The following PLP1 variants were observed in gnomAD, a reference collection of about 807,000 sequenced individuals.
PLP1 encodes the protein myelin proteolipid protein.
In PLP1, 2 loss-of-function variants were observed where a neutral mutation model predicts 18.5. That is an observed-to-expected ratio of 0.11 (90% confidence interval 0.04 to 0.34). The LOEUF (loss-of-function observed/expected upper bound fraction) is 0.34, where lower values mean the gene tolerates loss of function less well. PLP1 is among the 10% of genes least tolerant of loss of function. The probability of loss-of-function intolerance (pLI) is 1.00; values close to 1 mark genes in which losing one functional copy is unlikely to be tolerated. For synonymous variants in PLP1, 86 were observed against 83.2 expected (o/e 1.03, Z -0.19); for missense variants, 105 against 207.3 (o/e 0.51, Z 3.03).
At position 103,789,343 on chromosome X, in the gene PLP1, C is replaced by A. The variant is rs2074525185; in HGVS notation, c.707C>A (p.Thr236Asn). The A allele has an allele frequency of 1.7e-6, 2 of 1,207,078 alleles. No homozygotes were observed. The highest frequency in any genetic ancestry group is 4.3e-5 in the Admixed American group (2 of 46,069). The change falls in exon 6 of 7, where the codon ACC (threonine) becomes AAC (asparagine). Residue 236 changes from threonine to asparagine, a missense_variant. Coordinates refer to ENST00000621218, the MANE Select transcript of PLP1 (RefSeq NM_000533.5). ...TTCATTTTCCTGCAGTTCCAAATGA[C>A]CTTCCACCTGTTTATTGCTGCATTT... ...SICKTAEFQM[T>N]FHLFIAAFVG...
chrX:103,779,990 G>A (rs2074439157), intron 1 of PLP1: 1 of 112,839 alleles, frequency 8.9e-6, no homozygotes, highest in African/African-American at 3.2e-5. Flanking sequence ...CAGCAGCCAT[G>A]GTAGGTGAAT....
At position 103,791,401 on chromosome X, in the gene PLP1, C is replaced by G. The variant is rs967150849; in HGVS notation, c.*803C>G. ...TGACAACCCTGTGGTTTCCAAGGAG[C>G]TGAGAATAGAAGGAAACTAGCTTAC... is the stretch of plus-strand genomic sequence containing the variant. On this transcript the variant is annotated 3_prime_UTR_variant, in exon 7 of 7. Coordinates refer to ENST00000621218, the MANE Select transcript of PLP1 (RefSeq NM_000533.5). The G allele has an allele frequency of 8.9e-6, 1 of 112,450 alleles. No individual in the cohort carries two copies. The highest frequency in any genetic ancestry group is 3.2e-5 in the African/African-American group (1 of 30,834). 9.3% of individuals were successfully genotyped at this position (112,450 alleles called of 1,213,427 possible). A position where few individuals can be genotyped will look rare whatever the true frequency, so the allele number is the denominator to read the frequency against.
upstream of PLP1, chrX:103,776,624 C>T: frequency 4.5e-6 from 1 of 221,095 alleles, no homozygotes. Flanking sequence ...TTCCAGATGT[C>T]TCTGCAGCAA....
chrX:103,788,395 C>A, intron 4 of PLP1, 42 bp from the exon 5 acceptor site: 1 of 1,009,015 alleles, frequency 9.9e-7, no homozygotes, highest in Non-Finnish European at 1.4e-6. Flanking sequence ...GGCCCCGTAA[C>A]TCCATAAAGC....
intron 1 of PLP1, among the ~76,000 whole-genome samples, chrX:103,777,811 G>T (rs1039682036): frequency 8.9e-6 from 1 of 112,345 alleles, no homozygotes; most frequent in Admixed American, 9.4e-5. Context: ...AGAGCACAAG[G>T]GTCTTTGTCC....
In PLP1 at chrX:103,790,660, G is replaced by A; in HGVS notation, c.*62G>A. 1.2e-6 allele frequency: 1 copy of A among 840,644 alleles called. No homozygotes were observed. Among genetic ancestry groups the A allele is most frequent in the Non-Finnish European group, 1.8e-6 (1 of 556,709 alleles). The allele number at this position is 840,644 out of a possible 1,213,427, so 69.3% of individuals were successfully genotyped here. On this transcript the variant is annotated 3_prime_UTR_variant, in exon 7 of 7. Coordinates refer to ENST00000621218, the MANE Select transcript of PLP1 (RefSeq NM_000533.5). ...CTCTAACCACACAGCCTACAATGCTGCGTCTCCCATCTTAACTCTTTGCCT... is the reference window on the plus strand; with the variant it reads ...CTCTAACCACACAGCCTACAATGCTACGTCTCCCATCTTAACTCTTTGCCT...
At position 103,790,199 on chromosome X, in the gene PLP1, C is replaced by T. The variant is rs149766354; in HGVS notation, c.763-328C>T. Among the ~76,000 whole-genome samples, 499 of 112,271 alleles carry T rather than the reference C, an allele frequency of 4.4e-3. 4 individuals are homozygous for T. Among genetic ancestry groups the T allele is most frequent in the Non-Finnish European group, 7.9e-3 (420 of 53,239 alleles). On this transcript the variant is annotated intron_variant, in intron 6 of 6. Transcript: ENST00000621218. Reference sequence around the variant, plus strand: ...AAGCACCCTATGACTCTAAGTCACTCGGACATATTGATGTGGCAAAGCCCA... The same window carrying T: ...AAGCACCCTATGACTCTAAGTCACTTGGACATATTGATGTGGCAAAGCCCA...
chrX:103,780,122 A>G (rs1297105296), intron 1 of PLP1: 1 of 113,076 alleles, frequency 8.8e-6, no homozygotes, highest in Non-Finnish European at 1.9e-5. Context: ...CCTGAGGGCT[A>G]TCTCTCAGCT....
At chrX:103,789,153 G>T (rs1015589220) in intron 5 of PLP1, 180 bp from the exon 6 acceptor site, 4 of 495,644 alleles carry the variant, frequency 8.1e-6, no homozygotes, top group South Asian at 2.7e-5. Context: ...TGGGCCAGGT[G>T]CTATGGTGTA....
intron 6 of PLP1, 138 bp downstream of exon 6, chrX:103,789,536 G>C: frequency 3.6e-6 from 2 of 549,790 alleles, no homozygotes; most frequent in Non-Finnish European, 6.5e-6. Flanking sequence ...AGCAAAGGGT[G>C]GAGGCTCCGT....
chrX:103,777,212 GGA>G (rs1224307608), intron 1 of PLP1, among the ~76,000 whole-genome samples: 1 of 111,784 alleles, frequency 8.9e-6, no homozygotes, highest in Non-Finnish European at 1.9e-5. Flanking sequence ...AGCAGCACGT[GGA>G]GAGTCCCACA....
chrX:103,790,444 C>G (rs1831200556), intron 6 of PLP1, 83 bp from the exon 7 acceptor site: 1 of 691,274 alleles, frequency 1.4e-6, no homozygotes, highest in Non-Finnish European at 2.4e-6. Context: ...TTTATTTCTA[C>G]CCTTCCTCAT....
intron 1 of PLP1, among the ~76,000 whole-genome samples, chrX:103,778,863 C>T (rs1272763150): frequency 8.9e-6 from 1 of 112,364 alleles, no homozygotes; most frequent in African/African-American, 3.2e-5. Context: ...TTGCAGTAAA[C>T]ACATTGTATC....
chrX:103,779,771 T>C (rs779377752), intron 1 of PLP1: 1 of 112,114 alleles, frequency 8.9e-6, no homozygotes, highest in East Asian at 2.8e-4. Context: ...AGGGGAAATA[T>C]AGTCTCCAAA....
At chrX:103,788,127 G>C (rs888378208) in intron 4 of PLP1, among the ~76,000 whole-genome samples, 161 bp downstream of exon 4, 2 of 112,089 alleles carry the variant, frequency 1.8e-5, no homozygotes, top group African/African-American at 6.5e-5. Context: ...AAACCAGAGA[G>C]GTTTCTTCCC....
At chrX:103,782,191 A>T (rs1401065125) in intron 1 of PLP1, among the ~76,000 whole-genome samples, 1 of 112,455 alleles carries the variant, frequency 8.9e-6, no homozygotes, top group Admixed American at 9.4e-5. Flanking sequence ...CAAACATTTC[A>T]TCTAGGTTGT....
intron 1 of PLP1, among the ~76,000 whole-genome samples, chrX:103,782,749 C>T (rs749532126): frequency 1.1e-4 from 12 of 109,760 alleles, no homozygotes; most frequent in Admixed American, 2.9e-4. Flanking sequence ...TTCTTACCCT[C>T]GGCTAAACAA....
rs1391989749 is a variant in PLP1, at chrX:103,785,668, C to T, written c.91C>T (p.Leu31=). The part of the protein sequence containing the change: ...ATGLCFFGVA[L]FCGCGHEALT... ...TGGATTGTGTTTCTTTGGGGTGGCA[C>T]TGTTCTGTGGCTGTGGACATGAAGC... Residue 31 remains leucine, a synonymous_variant, in exon 2 of 7, where the codon CTG becomes TTG. Transcript: ENST00000621218. 8.3e-7 allele frequency: 1 copy of T among 1,210,125 alleles called. No individual in the cohort carries two copies. The highest frequency in any genetic ancestry group is 1.8e-5 in the South Asian group (1 of 56,948).
intron 1 of PLP1, chrX:103,781,204 GC>G: frequency 3.5e-6 from 1 of 283,611 alleles, no homozygotes; most frequent in Non-Finnish European, 7.1e-6. Context: ...CTTGAGGCGG[GC>G]CCAGGGCATG....
Sources: gnomAD v4.1 joint callset for allele counts (sites outside exome capture counted in the v4.1 genomes callset) on GRCh38, gnomAD v4.1.1 for gene constraint, MANE v1.5 for transcripts, NCBI Gene and HGNC (gene_info 2026-07-23, HGNC 2026-07-21) for gene names.